RIMKLB: variants seen among roughly 807,000 people sequenced by gnomAD.
The protein encoded by RIMKLB is ribosomal modification protein rimK like family member B.
A neutral mutation model predicts 32.0 loss-of-function variants in RIMKLB; 7 were observed. The ratio of observed to expected loss-of-function variants is 0.22; its 90% CI spans 0.12 to 0.41. RIMKLB has a LOEUF of 0.41. Ranked by LOEUF, RIMKLB falls within the 10% of genes least tolerant of loss-of-function variation. The pLI, the probability that RIMKLB is intolerant of heterozygous loss-of-function variation, is 1.00. For synonymous variants in RIMKLB, 172 were observed against 185.1 expected (o/e 0.93, Z 0.57); for missense variants, 289 against 498.7 (o/e 0.58, Z 4.00).
intron 2 of RIMKLB, among the ~76,000 whole-genome samples, chr12:8,747,872 TA>T (rs1948239202): frequency 6.6e-6 from 1 of 152,006 alleles, no homozygotes; most frequent in Non-Finnish European, 1.5e-5. Context: ...TCTCCAGCCT[TA>T]GCCTCCCGAG....
At chr12:8,754,114 T>C (rs1948829921) in intron 5 of RIMKLB, 21 bp downstream of exon 5, 4 of 1,541,646 alleles carry the variant, frequency 2.6e-6, no homozygotes, top group Non-Finnish European at 3.6e-6. Flanking sequence ...TGCAATTATC[T>C]TTCTAGTATA....
At chr12:8,778,372 AG>A (rs919683323), downstream of RIMKLB, among the ~76,000 whole-genome samples, 3 of 152,228 alleles carry the variant, frequency 2.0e-5, no homozygotes, top group African/African-American at 4.8e-5. Flanking sequence ...AAAAAAATTT[AG>A]TTCTTTTAGG....
intron 5 of RIMKLB, among the ~76,000 whole-genome samples, chr12:8,772,276 C>T (rs1402577604): frequency 6.6e-6 from 1 of 152,226 alleles, no homozygotes; most frequent in Non-Finnish European, 1.5e-5. Context: ...AGCGACTGTA[C>T]TCTCTTTGAG....
intron 5 of RIMKLB, 23 bp downstream of exon 5, chr12:8,754,116 T>TA: frequency 6.5e-7 from 1 of 1,537,060 alleles, no homozygotes; most frequent in Non-Finnish European, 9.0e-7. Flanking sequence ...CAATTATCTT[T>TA]CTAGTATATA....
intron 5 of RIMKLB, among the ~76,000 whole-genome samples, chr12:8,768,733 G>T (rs1374386419): frequency 3.9e-5 from 6 of 152,148 alleles, no homozygotes; most frequent in Non-Finnish European, 7.3e-5. Context: ...TAATTGCCCT[G>T]TTAAAGTTTG....
chr12:8,733,010 T>C (rs1310961604), intron 2 of RIMKLB, among the ~76,000 whole-genome samples: 2 of 152,200 alleles, frequency 1.3e-5, no homozygotes, highest in African/African-American at 2.4e-5. Context: ...TAAACAAATC[T>C]TTTTGATGAC....
At chr12:8,782,277 A>G (rs1016407450) in intron 7 of RIMKLB, among the ~76,000 whole-genome samples, 15 of 152,184 alleles carry the variant, frequency 9.9e-5, no homozygotes, top group African/African-American at 3.6e-4. Context: ...TTTATTTTGT[A>G]TGTTCTACAA....
chr12:8,727,488 C>T (rs950034102), intron 2 of RIMKLB, among the ~76,000 whole-genome samples: 2 of 152,192 alleles, frequency 1.3e-5, no homozygotes, highest in Admixed American at 6.5e-5. Context: ...CCACCCGCCT[C>T]GGCCTCCCAG....
the RIMKLB span, among the ~76,000 whole-genome samples, chr12:8,676,099 G>T: frequency 6.6e-6 from 1 of 152,032 alleles, no homozygotes; most frequent in African/African-American, 2.4e-5. Flanking sequence ...TTGAGACAGG[G>T]TCTCACTTTG....
chr12:8,674,239 C>CTT, the RIMKLB span, among the ~76,000 whole-genome samples: 2 of 117,904 alleles, frequency 1.7e-5, no homozygotes, highest in Admixed American at 8.0e-5. Flanking sequence ...TTTTTTTTTT[C>CTT]CTTTTTTTTT....
intron 1 of RIMKLB, among the ~76,000 whole-genome samples, chr12:8,686,554 A>G (rs1233487522): frequency 6.7e-6 from 1 of 150,090 alleles, no homozygotes; most frequent in Non-Finnish European, 1.5e-5. Context: ...ATCTCGGCTC[A>G]CTGCAAGCTC....
At chr12:8,702,335 T>C (rs181860623) in intron 1 of RIMKLB, among the ~76,000 whole-genome samples, 1 of 152,348 alleles carries the variant, frequency 6.6e-6, no homozygotes, top group African/African-American at 2.4e-5. Context: ...AATTTGTGAA[T>C]TGATGAGCTG....
rs1950661590 is a variant in RIMKLB at position 8,775,183 on chromosome 12, A to G, written c.*1399A>G. 1.0e-6 allele frequency: 1 copy of G among 985,546 alleles called. No individual in the cohort carries two copies. Among genetic ancestry groups the G allele is most frequent in the South Asian group, 4.7e-5 (1 of 21,278 alleles). 61.1% of individuals were successfully genotyped at this position (985,546 alleles called of 1,614,324 possible). A position where few individuals can be genotyped will look rare whatever the true frequency, so the allele number is the denominator to read the frequency against. On this transcript the variant is annotated 3_prime_UTR_variant, in exon 6 of 6. Coordinates refer to ENST00000535829, the MANE Select transcript of RIMKLB (RefSeq NM_001297776.2). ...ATGCTTTTCTTTAATGCTTCTGGCT[A>G]TGCATTTTCTCTTTTTACATATAGG...
chr12:8,725,844 GT>G (rs1016398133), intron 2 of RIMKLB, among the ~76,000 whole-genome samples: 8 of 152,100 alleles, frequency 5.3e-5, no homozygotes, highest in African/African-American at 1.9e-4. Flanking sequence ...TGGTTGTACT[GT>G]TTTTGGTTCG....
At chr12:8,720,552 G>T (rs1430479140) in intron 2 of RIMKLB, among the ~76,000 whole-genome samples, 1 of 152,188 alleles carries the variant, frequency 6.6e-6, no homozygotes, top group East Asian at 1.9e-4. Context: ...CCTCGTGTGT[G>T]TGTGTGCGAC....
chr12:8,737,946 TCAGGTGATCCGC>T (rs1300296112), intron 2 of RIMKLB, among the ~76,000 whole-genome samples: 3 of 152,174 alleles, frequency 2.0e-5, no homozygotes, highest in Admixed American at 6.5e-5. Context: ...ACTCATGACC[TCAGGTGATCCGC>T]CTGCCTCGGC....
chr12:8,696,258 C>A (rs185956656), upstream of RIMKLB, among the ~76,000 whole-genome samples: 7 of 152,184 alleles, frequency 4.6e-5, no homozygotes, highest in Admixed American at 2.0e-4. Context: ...TCACAAAATG[C>A]TTCTCTTGGT....
chr12:8,709,188 T>A (rs1384664177), intron 1 of RIMKLB, among the ~76,000 whole-genome samples: 2 of 152,244 alleles, frequency 1.3e-5, no homozygotes, highest in East Asian at 3.8e-4. Context: ...TTTTATTTTA[T>A]AGAGGACTCT....
At chr12:8,772,947 T>C (rs777659431) in intron 5 of RIMKLB, among the ~76,000 whole-genome samples, 2 of 152,246 alleles carry the variant, frequency 1.3e-5, no homozygotes, top group South Asian at 4.1e-4. Flanking sequence ...CCTTCCCAGA[T>C]TTCACCCCAT....
Sources: allele counts gnomAD v4.1 joint callset (sites outside exome capture counted in the v4.1 genomes callset), GRCh38; gene constraint gnomAD v4.1.1; transcripts MANE v1.5; gene names NCBI Gene and HGNC (gene_info 2026-07-23, HGNC 2026-07-21).